DAB1: variants seen among roughly 807,000 people sequenced by gnomAD.
The protein encoded by DAB1 is DAB adaptor protein 1, also known as disabled homolog 1.
Under a neutral mutation model 64.6 loss-of-function variants are expected in DAB1, and 15 were observed. The observed-to-expected ratio is 0.23, with a 90% CI of 0.16 to 0.36. The LOEUF is 0.36. DAB1 is among the 10% of genes least tolerant of loss of function. The pLI, the probability that DAB1 is intolerant of heterozygous loss-of-function variation, is 1.00. For missense variants in DAB1, 596 were observed against 706.7 expected (o/e 0.84, Z 1.78); for synonymous variants, 235 against 251.9 (o/e 0.93, Z 0.64).
At chr1:57,679,926 T>C (rs1322361875) in intron 6 of DAB1, among the ~76,000 whole-genome samples, 1 of 152,222 alleles carries the variant, frequency 6.6e-6, no homozygotes, top group Non-Finnish European at 1.5e-5. Context: ...CTTTACTTTG[T>C]TCATATAATG....
intron 3 of DAB1, among the ~76,000 whole-genome samples, chr1:58,378,057 T>C (rs1468408686): frequency 7.2e-6 from 1 of 138,740 alleles, no homozygotes; most frequent in African/African-American, 2.7e-5. Flanking sequence ...TTCTCTGTAT[T>C]GGTTATTCTA....
At chr1:57,303,356 C>T (rs1246458568) in intron 1 of DAB1, among the ~76,000 whole-genome samples, 1 of 152,162 alleles carries the variant, frequency 6.6e-6, no homozygotes, top group African/African-American at 2.4e-5. Context: ...CTTGCTCTGC[C>T]TTTCGCCCCA....
intron 4 of DAB1, among the ~76,000 whole-genome samples, chr1:57,075,923 G>A (rs1299892223): frequency 6.6e-6 from 1 of 152,206 alleles, no homozygotes; most frequent in Non-Finnish European, 1.5e-5. Flanking sequence ...GGCAAGGGAA[G>A]AAGAGAACTG....
intron 1 of DAB1, among the ~76,000 whole-genome samples, chr1:57,882,809 G>A (rs1030837816): frequency 2.0e-5 from 3 of 152,168 alleles, no homozygotes; most frequent in African/African-American, 7.2e-5. Flanking sequence ...ATGGTTTCCA[G>A]CCTCCTTGCC....
chr1:57,350,091 C>A (rs1323797968), intron 1 of DAB1, among the ~76,000 whole-genome samples: 2 of 152,206 alleles, frequency 1.3e-5, no homozygotes, highest in Admixed American at 6.5e-5. Flanking sequence ...GCTGGCACAT[C>A]ATCCTGAAAA....
intron 6 of DAB1, among the ~76,000 whole-genome samples, chr1:57,787,779 A>G (rs1405010225): frequency 6.6e-6 from 1 of 152,152 alleles, no homozygotes; most frequent in Non-Finnish European, 1.5e-5. Flanking sequence ...CATTTGTTAA[A>G]GGACTCGTAA....
chr1:57,055,929 A>G (rs1019993664), intron 9 of DAB1, among the ~76,000 whole-genome samples: 9 of 152,204 alleles, frequency 5.9e-5, no homozygotes, highest in African/African-American at 2.2e-4. Flanking sequence ...ACTGAATAAT[A>G]GCCCACAGCT....
chr1:58,484,002 A>G (rs1645533066), intron 3 of DAB1, among the ~76,000 whole-genome samples: 1 of 152,214 alleles, frequency 6.6e-6, no homozygotes, highest in South Asian at 2.1e-4. Flanking sequence ...AGAGATGCAA[A>G]GCAACAAAGA....
chr1:57,856,290 C>T (rs1182328635), intron 1 of DAB1, among the ~76,000 whole-genome samples: 1 of 152,118 alleles, frequency 6.6e-6, no homozygotes, highest in East Asian at 1.9e-4. Flanking sequence ...TCTTTTCAGC[C>T]ACTGTGCCTC....
chr1:57,257,411 A>T (rs127600), intron 2 of DAB1, among the ~76,000 whole-genome samples: 100,003 of 152,018 alleles, frequency 0.66, 33,076 homozygotes, highest in East Asian at 0.85. Flanking sequence ...TTTCTTTGTA[A>T]GTATCTATGG....
intron 6 of DAB1, among the ~76,000 whole-genome samples, chr1:57,728,689 A>G (rs1049322538): frequency 1.3e-5 from 2 of 152,208 alleles, no homozygotes; most frequent in Non-Finnish European, 2.9e-5. Flanking sequence ...GTAATACACA[A>G]AATGATACTT....
At chr1:58,416,485 T>C (rs1311960695) in intron 3 of DAB1, among the ~76,000 whole-genome samples, 5 of 152,192 alleles carry the variant, frequency 3.3e-5, no homozygotes, top group South Asian at 2.1e-4. Context: ...TAAAAGGCCA[T>C]GCTGTCCAAT....
chr1:57,992,107 T>C (rs1369265579), intron 5 of DAB1, among the ~76,000 whole-genome samples: 1 of 152,116 alleles, frequency 6.6e-6, no homozygotes, highest in East Asian at 1.9e-4. Flanking sequence ...ACAATAATGT[T>C]GGGTGAAAGA....
intron 2 of DAB1, among the ~76,000 whole-genome samples, chr1:57,209,835 T>TCA (rs1665864182): frequency 6.6e-6 from 1 of 152,074 alleles, no homozygotes; most frequent in African/African-American, 2.4e-5. Flanking sequence ...CCTCTCCCCC[T>TCA]CACACACACA....
chr1:57,502,021 C>T (rs1342210599), intron 7 of DAB1, among the ~76,000 whole-genome samples: 1 of 152,012 alleles, frequency 6.6e-6, no homozygotes, highest in Non-Finnish European at 1.5e-5. Flanking sequence ...GGACTCAGGT[C>T]TTAAAATGAA....
intron 3 of DAB1, among the ~76,000 whole-genome samples, chr1:58,375,379 T>C (rs1644313526): frequency 1.4e-5 from 2 of 138,856 alleles, no homozygotes; most frequent in South Asian, 2.4e-4. Flanking sequence ...TATTGAGAGT[T>C]TTTAGCATGA....
intron 7 of DAB1, among the ~76,000 whole-genome samples, chr1:57,590,781 CA>C (rs1427651899): frequency 2.7e-4 from 39 of 145,366 alleles, no homozygotes; most frequent in Middle Eastern, 3.5e-3. Flanking sequence ...CACACACACA[CA>C]CCCCACTCAC....
At chr1:58,542,037 T>C (rs1298721733) in intron 1 of DAB1, among the ~76,000 whole-genome samples, 1 of 152,234 alleles carries the variant, frequency 6.6e-6, no homozygotes, top group Non-Finnish European at 1.5e-5. Context: ...AATAGTATTA[T>C]CTATATATCA....
chr1:57,457,243 C>T (rs10493222), intron 7 of DAB1, among the ~76,000 whole-genome samples: 52,943 of 151,804 alleles, frequency 0.35, 9,575 homozygotes, highest in East Asian at 0.56. Context: ...TGTGGTAGAC[C>T]GGAGAATTGG....
Sources: gnomAD v4.1 joint callset for allele counts (sites outside exome capture counted in the v4.1 genomes callset) on GRCh38, gnomAD v4.1.1 for gene constraint, MANE v1.5 for transcripts, NCBI Gene and HGNC (gene_info 2026-07-23, HGNC 2026-07-21) for gene names.